The following OFD1 variants were observed in gnomAD, a reference collection of about 807,000 sequenced individuals.
The protein encoded by OFD1 is OFD1 centriole and centriolar satellite protein, also known as centriole and centriolar satellite protein OFD1.
Under a neutral mutation model 81.4 loss-of-function variants are expected in OFD1, and 12 were observed. That is an observed-to-expected ratio of 0.15 (90% CI 0.09 to 0.24). The LOEUF (loss-of-function observed/expected upper bound fraction) is 0.24. Ranked by LOEUF, OFD1 falls within the 10% of genes least tolerant of loss-of-function variation. OFD1 has a pLI of 1.00. For missense variants in OFD1, 685 were observed against 733.9 expected, an observed-to-expected ratio of 0.93 and a Z score of 0.77; for synonymous variants, 256 against 263.7, an observed-to-expected ratio of 0.97 and a Z score of 0.28.
the OFD1 span, chrX:13,716,221 T>G: frequency 5.5e-6 from 4 of 728,902 alleles, no homozygotes; most frequent in Non-Finnish European, 7.8e-6. Flanking sequence ...AAACTGGGTT[T>G]AAAATTAGCT....
chrX:13,747,616 G>A (rs1451837195), intron 8 of OFD1, among the ~76,000 whole-genome samples: 1 of 111,894 alleles, frequency 8.9e-6, no homozygotes, highest in African/African-American at 3.2e-5. Context: ...GAAAGGAAGG[G>A]TTGAGTGGCA....
chrX:13,754,989 C>T (rs1403200630), intron 11 of OFD1, among the ~76,000 whole-genome samples, 162 bp from the exon 12 acceptor site: 1 of 112,575 alleles, frequency 8.9e-6, no homozygotes, highest in African/African-American at 3.2e-5. Flanking sequence ...CTTCACATCA[C>T]CTGTTGGGTA....
the OFD1 span, among the ~76,000 whole-genome samples, chrX:13,719,164 ATAAAT>A: frequency 9.0e-6 from 1 of 110,873 alleles, no homozygotes; most frequent in Non-Finnish European, 1.9e-5. Flanking sequence ...CTCAAAAAGA[ATAAAT>A]AAATAAGATC....
At chrX:13,724,415 A>T in the OFD1 span, among the ~76,000 whole-genome samples, 19 of 109,340 alleles carry the variant, frequency 1.7e-4, no homozygotes, top group Non-Finnish European at 1.9e-4. Context: ...AAAAAAAAAA[A>T]AAAAGAGGCT....
rs751700372 is a variant in OFD1 at position 13,739,296 on chromosome X, CAAA to C, written c.412+280_412+282del. On this transcript the variant is annotated intron_variant, in intron 5 of 22. Coordinates refer to ENST00000340096, the MANE Select transcript of OFD1 (RefSeq NM_003611.3). Reference sequence around the variant, plus strand: ...ATACCCACTGTTGGGAATATTTCTGCAAAAAAAAAAAAAAAAAACTAATAACTT... The same window carrying C: ...ATACCCACTGTTGGGAATATTTCTGCAAAAAAAAAAAAAAACTAATAACTT... 607 of 112,894 alleles carry C rather than the reference CAAA, an allele frequency of 5.4e-3. 2 individuals carry two copies. Among genetic ancestry groups the C allele is most frequent in the African/African-American group, 0.017 (245 of 14,368 alleles). 9.3% of individuals were successfully genotyped at this position (112,894 alleles called of 1,213,427 possible). A position where few individuals can be genotyped will look rare whatever the true frequency, so the allele number is the denominator to read the frequency against.
At chrX:13,731,787 C>T (rs754755060), upstream of OFD1, among the ~76,000 whole-genome samples, 4 of 112,112 alleles carry the variant, frequency 3.6e-5, no homozygotes, top group South Asian at 1.5e-3. Context: ...TGAGGTTGAC[C>T]TTAACCTAGT....
rs886815475 is a variant in OFD1, at chrX:13,751,204, C to T, written c.936-45C>T. 3 of 1,173,522 alleles carry T rather than the reference C, an allele frequency of 2.6e-6. No homozygotes were observed. The African/African-American group carries it at 5.3e-5, about 21-fold the overall frequency. On this transcript the variant is annotated intron_variant, in intron 9 of 22. Transcript: ENST00000340096. ...TGATTTTTTCCTAAATTTGTTAGCTCAGCTATGGTAGTTTATTTACTTTTT... is the reference window on the plus strand; with the variant it reads ...TGATTTTTTCCTAAATTTGTTAGCTTAGCTATGGTAGTTTATTTACTTTTT...
the OFD1 span, chrX:13,721,857 C>T: frequency 9.0e-6 from 1 of 110,580 alleles, no homozygotes; most frequent in Non-Finnish European, 1.9e-5. Context: ...TAAGGCTGCT[C>T]TCACGCTTCA....
chrX:13,728,546 A>C, the OFD1 span, among the ~76,000 whole-genome samples: 1 of 112,251 alleles, frequency 8.9e-6, no homozygotes, highest in Non-Finnish European at 1.9e-5. Flanking sequence ...GACAAAATTC[A>C]ACAGCCCTTC....
intron 6 of OFD1, 54 bp from the exon 7 acceptor site, chrX:13,746,265 T>G (rs1457930936): frequency 8.8e-7 from 1 of 1,137,461 alleles, no homozygotes; most frequent in Non-Finnish European, 1.2e-6. Context: ...GTCTGGCGTC[T>G]TACGCACCTG....
intron 20 of OFD1, chrX:13,767,837 G>A (rs2048190662): frequency 5.3e-6 from 2 of 377,575 alleles, no homozygotes; most frequent in Non-Finnish European, 4.7e-6. Context: ...GTTAATTCAA[G>A]TCCAAAGCAC....
At chrX:13,759,071 T>G (rs2047824952) in intron 15 of OFD1, among the ~76,000 whole-genome samples, 1 of 111,902 alleles carries the variant, frequency 8.9e-6, no homozygotes, top group Non-Finnish European at 1.9e-5. Flanking sequence ...GTGTCTTCAC[T>G]GTGGATGCAT....
upstream of OFD1, among the ~76,000 whole-genome samples, chrX:13,733,025 G>T (rs761870941): frequency 1.8e-5 from 2 of 111,953 alleles, no homozygotes; most frequent in Admixed American, 1.9e-4. Flanking sequence ...AATATTATAA[G>T]CAATTCTCCC....
At chrX:13,716,770 C>T in the OFD1 span, 13 of 998,581 alleles carry the variant, frequency 1.3e-5, no homozygotes, top group Middle Eastern at 2.7e-4. Flanking sequence ...AGATGGTTTT[C>T]TTGTGGGGAA....
chrX:13,757,738 A>C lies in OFD1; in HGVS notation c.1490A>C (p.His497Pro), dbSNP rs772474080. The change falls in exon 14 of 23, where the codon CAT (histidine) becomes CCT (proline). Residue 497 changes from histidine to proline, a missense_variant. Physicochemically the swap from His to Pro is moderately conservative, Grantham distance 77. Transcript: ENST00000340096. ...GCCGAAAAGGCTATAGTGGTTGAGCATGAGGAGTTCGAAAGCTGCAGGCAA... is the reference window on the plus strand; with the variant it reads ...GCCGAAAAGGCTATAGTGGTTGAGCCTGAGGAGTTCGAAAGCTGCAGGCAA... ...RKAEKAIVVE[H>P]EEFESCRQAL... is the part of the protein sequence containing the mutation. 24 of 1,211,174 alleles carry C rather than the reference A, an allele frequency of 2.0e-5. No individual in the cohort carries two copies. The highest frequency in any genetic ancestry group is 2.3e-5 in the Non-Finnish European group (21 of 895,268).
chrX:13,744,728 C>G (rs1486751353), intron 6 of OFD1, among the ~76,000 whole-genome samples: 1 of 112,276 alleles, frequency 8.9e-6, no homozygotes, highest in Non-Finnish European at 1.9e-5. Flanking sequence ...CAGGGCTACA[C>G]TGGCCAAATC....
At chrX:13,753,210 G>C (rs2047567994) in intron 10 of OFD1, 158 bp from the exon 11 acceptor site, 1 of 1,097,418 alleles carries the variant, frequency 9.1e-7, no homozygotes, top group South Asian at 2.4e-5. Context: ...ATGTTCAGGG[G>C]TTATATCCCT....
downstream of OFD1, chrX:13,772,042 G>A (rs1384869921): frequency 1.8e-5 from 2 of 112,079 alleles, no homozygotes; most frequent in Admixed American, 1.9e-4. Flanking sequence ...AAACATTTAT[G>A]GAACAAAATT....
At chrX:13,744,097 T>C (rs769846670) in intron 5 of OFD1, among the ~76,000 whole-genome samples, 2 of 111,399 alleles carry the variant, frequency 1.8e-5, no homozygotes, top group East Asian at 5.6e-4. Context: ...GAGACTAGCC[T>C]GGGCAACATA....
Sources: allele counts gnomAD v4.1 joint callset (sites outside exome capture counted in the v4.1 genomes callset), GRCh38; gene constraint gnomAD v4.1.1; transcripts MANE v1.5; gene names NCBI Gene and HGNC (gene_info 2026-07-23, HGNC 2026-07-21).